The following SDK1 variants were observed in gnomAD, a reference collection of about 807,000 sequenced individuals.
SDK1 encodes protein sidekick-1.
A neutral mutation model predicts 245.5 loss-of-function variants in SDK1; 157 were observed. The observed-to-expected ratio is 0.64, with a 90% confidence interval of 0.56 to 0.73. The LOEUF (loss-of-function observed/expected upper bound fraction) is 0.73. Ranked by LOEUF, SDK1 falls within the 30% of genes least tolerant of loss-of-function variation. The pLI is 0.00. For synonymous variants in SDK1, 1,647 were observed against 1,278.5 expected, an observed-to-expected ratio of 1.29 and a Z score of -6.15; for missense variants, 3,583 against 3,002.3, an observed-to-expected ratio of 1.19 and a Z score of -4.52.
intron 4 of SDK1, among the ~76,000 whole-genome samples, chr7:3,649,237 G>A (rs903408450): frequency 6.6e-6 from 1 of 152,128 alleles, no homozygotes; most frequent in Non-Finnish European, 1.5e-5. Context: ...GTTGAATTGA[G>A]TGACTAAGGA....
At chr7:3,630,464 AT>A (rs1479823649) in intron 2 of SDK1, among the ~76,000 whole-genome samples, 2 of 152,202 alleles carry the variant, frequency 1.3e-5, no homozygotes, top group Admixed American at 1.3e-4. Flanking sequence ...AAATCTGAAA[AT>A]TACATATTTA....
intron 1 of SDK1, among the ~76,000 whole-genome samples, chr7:3,566,979 G>A (rs1779940382): frequency 6.6e-6 from 1 of 151,924 alleles, no homozygotes. Context: ...GTGTAGACTT[G>A]GCACCTATAC....
Position 3,803,242 on chromosome 7 carries a change from T to C in SDK1, c.714-18208T>C, listed in dbSNP as rs1279536376. 4.6e-5 allele frequency among the ~76,000 whole-genome samples: 7 copies of C among 152,278 alleles called. No individual in the cohort carries two copies. The East Asian group carries it at 1.4e-3, about 29-fold the overall frequency. On this transcript the variant is annotated intron_variant, in intron 4 of 44. Transcript: ENST00000404826. ...TATGTGCTTATTTGCCGTTTACATATTCTCTTTGGTCAAATGCTTCTTGTT... is the reference window on the plus strand; with the variant it reads ...TATGTGCTTATTTGCCGTTTACATACTCTCTTTGGTCAAATGCTTCTTGTT...
chr7:3,973,749 A>G (rs1292852447), intron 12 of SDK1, among the ~76,000 whole-genome samples: 1 of 152,100 alleles, frequency 6.6e-6, no homozygotes, highest in Non-Finnish European at 1.5e-5. Flanking sequence ...CATCTCTAAA[A>G]CACAAGGTCA....
intron 17 of SDK1, among the ~76,000 whole-genome samples, chr7:4,048,355 C>T (rs1427949244): frequency 6.6e-6 from 1 of 152,132 alleles, no homozygotes; most frequent in East Asian, 1.9e-4. Context: ...AAGAAGCTAG[C>T]CCTGCCCACT....
chr7:3,672,184 G>A (rs897222239), intron 4 of SDK1, among the ~76,000 whole-genome samples: 1 of 152,086 alleles, frequency 6.6e-6, no homozygotes, highest in African/African-American at 2.4e-5. Flanking sequence ...TGAGGGCAGG[G>A]AGAATTGTAG....
intron 1 of SDK1, among the ~76,000 whole-genome samples, chr7:3,333,356 A>G (rs970860254): frequency 3.3e-5 from 5 of 152,096 alleles, no homozygotes; most frequent in Non-Finnish European, 5.9e-5. Context: ...GGAGTGTGCC[A>G]TTTTCTGCAG....
At chr7:3,705,445 T>G (rs1784856983) in intron 4 of SDK1, among the ~76,000 whole-genome samples, 2 of 120,666 alleles carry the variant, frequency 1.7e-5, no homozygotes, top group African/African-American at 5.0e-5. Context: ...TATTTTATTT[T>G]ATTTTATTTT....
intron 1 of SDK1, among the ~76,000 whole-genome samples, chr7:3,586,475 A>G (rs972729908): frequency 2.6e-5 from 4 of 151,866 alleles, no homozygotes; most frequent in South Asian, 2.1e-4. Context: ...AGGTGGGTGG[A>G]TCACGAGGTC....
At chr7:3,453,057 A>T (rs1780564964) in intron 1 of SDK1, among the ~76,000 whole-genome samples, 1 of 152,022 alleles carries the variant, frequency 6.6e-6, no homozygotes, top group South Asian at 2.1e-4. Flanking sequence ...TGCTACCACG[A>T]TAGAGTGGAC....
At chr7:3,305,988 C>G (rs1779408740) in intron 1 of SDK1, among the ~76,000 whole-genome samples, 1 of 152,078 alleles carries the variant, frequency 6.6e-6, no homozygotes, top group Non-Finnish European at 1.5e-5. Flanking sequence ...GTGGTGATGC[C>G]AGAATGAAAA....
At chr7:3,599,210 C>T (rs989105984) in intron 1 of SDK1, among the ~76,000 whole-genome samples, 23 of 147,952 alleles carry the variant, frequency 1.6e-4, no homozygotes, top group African/African-American at 5.5e-4. Flanking sequence ...ATTTGCGATT[C>T]TCTAATCGTT....
At chr7:3,784,905 A>G (rs565756631) in intron 4 of SDK1, among the ~76,000 whole-genome samples, 142 of 152,348 alleles carry the variant, frequency 9.3e-4, no homozygotes, top group Non-Finnish European at 1.7e-3. Context: ...GTGCACACCA[A>G]TGTTTACTGC....
At chr7:3,415,896 A>G (rs1239513994) in intron 1 of SDK1, among the ~76,000 whole-genome samples, 1 of 152,150 alleles carries the variant, frequency 6.6e-6, no homozygotes, top group Non-Finnish European at 1.5e-5. Context: ...ATAGGGCAGG[A>G]CTAATGAATA....
intron 21 of SDK1, among the ~76,000 whole-genome samples, chr7:4,079,033 C>T (rs1321846371): frequency 6.6e-6 from 1 of 152,204 alleles, no homozygotes; most frequent in Non-Finnish European, 1.5e-5. Flanking sequence ...TGCACTCTTC[C>T]CTCCATCCCT....
intron 22 of SDK1, among the ~76,000 whole-genome samples, chr7:4,102,323 C>T (rs770944517): frequency 1.3e-4 from 20 of 152,146 alleles, no homozygotes; most frequent in Non-Finnish European, 2.8e-4. Context: ...GGGGAGGAGC[C>T]GTCAGAAGCA....
intron 5 of SDK1, 96 bp downstream of exon 5, chr7:3,821,679 C>T: frequency 7.3e-7 from 1 of 1,374,202 alleles, no homozygotes; most frequent in Non-Finnish European, 1.0e-6. Flanking sequence ...AATAAATTTT[C>T]TCTCTCTAGT....
intron 4 of SDK1, among the ~76,000 whole-genome samples, chr7:3,736,247 C>T (rs956053447): frequency 6.6e-6 from 1 of 151,922 alleles, no homozygotes; most frequent in African/African-American, 2.4e-5. Context: ...AATCTAGTTA[C>T]TTCTTTTATT....
chr7:3,780,874 C>A (rs1449031889), intron 4 of SDK1, among the ~76,000 whole-genome samples: 1 of 152,124 alleles, frequency 6.6e-6, no homozygotes, highest in East Asian at 1.9e-4. Context: ...CTCCCAGCTC[C>A]ACAGATTTCA....
Sources: gnomAD v4.1 joint callset for allele counts (sites outside exome capture counted in the v4.1 genomes callset) on GRCh38, gnomAD v4.1.1 for gene constraint, MANE v1.5 for transcripts, NCBI Gene and HGNC (gene_info 2026-07-23, HGNC 2026-07-21) for gene names.